The following VCPIP1 variants were observed in gnomAD, a reference collection of about 807,000 sequenced individuals.
VCPIP1 encodes valosin containing protein interacting protein 1.
A neutral mutation model predicts 85.0 loss-of-function variants in VCPIP1; 8 were observed. The ratio of observed to expected loss-of-function variants is 0.09; its 90% CI spans 0.06 to 0.17. The LOEUF (loss-of-function observed/expected upper bound fraction) is 0.17. VCPIP1 is among the 10% of genes least tolerant of loss of function. The pLI, the probability that VCPIP1 is intolerant of heterozygous loss-of-function variation, is 1.00. For missense variants in VCPIP1, 1,070 were observed against 1,486.3 expected, an observed-to-expected ratio of 0.72 and a Z score of 4.61; for synonymous variants, 543 against 544.5, an observed-to-expected ratio of 1.00 and a Z score of 0.04.
chr8:66,655,605 T>C (rs1223273093), intron 1 of VCPIP1, among the ~76,000 whole-genome samples: 2 of 152,228 alleles, frequency 1.3e-5, no homozygotes, highest in Non-Finnish European at 2.9e-5. Flanking sequence ...CAATGTTACA[T>C]ATATAAAATA....
intron 1 of VCPIP1, among the ~76,000 whole-genome samples, chr8:66,658,389 C>A: frequency 6.7e-6 from 1 of 148,432 alleles, no homozygotes; most frequent in Non-Finnish European, 1.5e-5. Flanking sequence ...AGATTTGAAA[C>A]TGCCCTTTAC....
At chr8:66,637,193 A>T (rs1458813671) in intron 2 of VCPIP1, among the ~76,000 whole-genome samples, 1 of 151,942 alleles carries the variant, frequency 6.6e-6, no homozygotes, top group Non-Finnish European at 1.5e-5. Context: ...CTACAAAAAA[A>T]ACAAAAGGTT....
intron 1 of VCPIP1, among the ~76,000 whole-genome samples, chr8:66,654,966 T>G (rs1414806903): frequency 6.6e-6 from 1 of 152,238 alleles, no homozygotes; most frequent in African/African-American, 2.4e-5. Flanking sequence ...TTTTACAATG[T>G]TATACCACCA....
Position 66,630,001 on chromosome 8 carries a change from C to T in VCPIP1, c.*4500G>A, listed in dbSNP as rs1810818710. Reference sequence around the variant, plus strand: ...TTAAGAATTTCTTTATAAAACTGAACTATATGTTCATGCATTATAATTCCA... The same window carrying T: ...TTAAGAATTTCTTTATAAAACTGAATTATATGTTCATGCATTATAATTCCA... On this transcript the variant is annotated 3_prime_UTR_variant, in exon 3 of 3. Coordinates refer to ENST00000310421, the MANE Select transcript of VCPIP1 (RefSeq NM_025054.5). 1 of 152,086 alleles carries T rather than the reference C, an allele frequency of 6.6e-6. No homozygotes were observed. Among genetic ancestry groups the T allele is most frequent in the Admixed American group, 6.5e-5 (1 of 15,268 alleles). 9.4% of individuals were successfully genotyped at this position (152,086 alleles called of 1,614,324 possible).
rs182091150 is a variant in VCPIP1, at chr8:66,661,640, G to T, written c.2710+2609C>A. Reference sequence around the variant, plus strand: ...AATCCCAGCTACTCAGGAGGCTGAGGCAGGAGAATCATTTGAACCCAGGTA... The same window carrying T: ...AATCCCAGCTACTCAGGAGGCTGAGTCAGGAGAATCATTTGAACCCAGGTA... On this transcript the variant is annotated intron_variant, in intron 1 of 2. Transcript: ENST00000310421. 1.8e-4 allele frequency among the ~76,000 whole-genome samples: 28 copies of T among 151,870 alleles called. No individual in the cohort carries two copies. In the East Asian group the frequency reaches 5.5e-3, roughly 30 times the overall value.
intron 2 of VCPIP1, among the ~76,000 whole-genome samples, chr8:66,635,913 CAA>C (rs1187108604): frequency 0.012 from 910 of 75,690 alleles, 9 homozygotes; most frequent in African/African-American, 0.041. Context: ...AACTCTATCT[CAA>C]AAAAAAAAAA....
In VCPIP1 at chr8:66,628,612, G is replaced by T. The variant is rs530758063; in HGVS notation, c.*5889C>A. 2.6e-5 allele frequency: 4 copies of T among 152,324 alleles called. No individual in the cohort carries two copies. In the South Asian group the frequency reaches 8.3e-4, roughly 32 times the overall value. 9.4% of individuals were successfully genotyped at this position (152,324 alleles called of 1,614,324 possible). ...ATCCATAATGAGCTGTTATAAGTAG[G>T]ATGTTTATCTTATTTACTAAAGAGT... On this transcript the variant is annotated 3_prime_UTR_variant, in exon 3 of 3. Coordinates refer to ENST00000310421, the MANE Select transcript of VCPIP1 (RefSeq NM_025054.5).
At chr8:66,659,803 G>A (rs1264170067) in intron 1 of VCPIP1, among the ~76,000 whole-genome samples, 9 of 151,974 alleles carry the variant, frequency 5.9e-5, no homozygotes, top group African/African-American at 1.2e-4. Context: ...GTGGTGGTGC[G>A]CACCTGTAGT....
chr8:66,644,991 TG>T (rs1193345230), intron 2 of VCPIP1, among the ~76,000 whole-genome samples: 1 of 149,034 alleles, frequency 6.7e-6, no homozygotes, highest in Non-Finnish European at 1.5e-5. Flanking sequence ...CCCAGCTACT[TG>T]GGAGGCTGAG....
At chr8:66,651,947 T>C (rs1299775977) in intron 1 of VCPIP1, among the ~76,000 whole-genome samples, 1 of 148,444 alleles carries the variant, frequency 6.7e-6, no homozygotes, top group Non-Finnish European at 1.5e-5. Flanking sequence ...TGGGGGTCTG[T>C]GGATAGCCTG....
Position 66,628,804 on chromosome 8 carries a change from G to T in VCPIP1, c.*5697C>A, listed in dbSNP as rs1431755670. The T allele has an allele frequency of 6.6e-6, 1 of 152,194 alleles. No individual in the cohort carries two copies. The highest frequency in any genetic ancestry group is 2.4e-5 in the African/African-American group (1 of 41,438). 9.4% of individuals were successfully genotyped at this position (152,194 alleles called of 1,614,324 possible). On this transcript the variant is annotated 3_prime_UTR_variant, in exon 3 of 3. Transcript: ENST00000310421. ...TTGTCCCATCAGCACTATGCCCTCT[G>T]CAAGTAAGACTATGACGACAATGGT...
chr8:66,635,453 TAATG>T, intron 2 of VCPIP1, 81 bp from the exon 3 acceptor site: 1 of 1,302,910 alleles, frequency 7.7e-7, no homozygotes, highest in Non-Finnish European at 1.0e-6. Context: ...ATAGTTAAAA[TAATG>T]AATTTTAAAT....
At position 66,664,151 on chromosome 8, in the gene VCPIP1, A is replaced by T; in HGVS notation, c.2710+98T>A. On this transcript the variant is annotated intron_variant, in intron 1 of 2. Coordinates refer to ENST00000310421, the MANE Select transcript of VCPIP1 (RefSeq NM_025054.5). ...TCCTGAAATATATAATTAAAAACTT[A>T]CAATGGCTACAGATTTCTTTTCCCC... is the stretch of plus-strand genomic sequence containing the variant. 5 of 1,362,244 alleles carry T rather than the reference A, an allele frequency of 3.7e-6. No individual in the cohort carries two copies. In the South Asian group the frequency reaches 7.6e-5, roughly 21 times the overall value. 84.4% of individuals were successfully genotyped at this position (1,362,244 alleles called of 1,614,324 possible).
chr8:66,653,895 C>T (rs951678906), intron 1 of VCPIP1, among the ~76,000 whole-genome samples: 2 of 152,064 alleles, frequency 1.3e-5, no homozygotes, highest in African/African-American at 4.8e-5. Flanking sequence ...GATTTTTTCA[C>T]CCTTCCTCCT....
At chr8:66,636,558 C>A (rs1226099223) in intron 2 of VCPIP1, among the ~76,000 whole-genome samples, 2 of 151,876 alleles carry the variant, frequency 1.3e-5, no homozygotes, top group African/African-American at 2.4e-5. Context: ...GCCTGGCCAA[C>A]AGAGTGAAAC....
At position 66,667,216 on chromosome 8, in the gene VCPIP1, T is replaced by G. The variant is rs1586632509; in HGVS notation, c.-258A>C. ...CACTCACACTCACTCACTCTCGCTC[T>G]CTCTCCCTCAGACACAGACATACAC... On this transcript the variant is annotated 5_prime_UTR_variant, in exon 1 of 3. Transcript: ENST00000310421. 4 of 643,032 alleles carry G rather than the reference T, an allele frequency of 6.2e-6. No homozygotes were observed. In the East Asian group the frequency reaches 1.2e-4, roughly 19 times the overall value. The allele number at this position is 643,032 out of a possible 1,614,324, so 39.8% of individuals were successfully genotyped here. A position where few individuals can be genotyped will look rare whatever the true frequency, so the allele number is the denominator to read the frequency against.
At position 66,666,292 on chromosome 8, in the gene VCPIP1, C is replaced by A; in HGVS notation, c.667G>T (p.Ala223Ser). Residue 223 changes from alanine (A) to serine (S), a missense_variant, in exon 1 of 3, where the codon GCT becomes TCT. Ala to Ser is a moderately conservative substitution (Grantham distance 99). This residue lies in a region of VCPIP1 where 118 missense variants were observed against 337.1 expected (regional missense o/e 0.35). Transcript: ENST00000310421. The surrounding 1 kb of genome is among the most constrained non-coding windows in gnomAD (Gnocchi z 6.3). Reference protein sequence around the residue: ...VDGDGHCLVHAVSRALVGREL... With the variant: ...VDGDGHCLVHSVSRALVGREL... ...CGGCCTACTAGAGCCCGAGACACAG[C>A]ATGCACCAAGCAGTGTCCATCCCCG... is the stretch of plus-strand genomic sequence containing the variant. The A allele has an allele frequency of 6.2e-7, 1 of 1,614,118 alleles. No homozygotes were observed. Among genetic ancestry groups the A allele is most frequent in the South Asian group, 1.1e-5 (1 of 91,082 alleles).
At chr8:66,636,854 C>CAA (rs569934579) in intron 2 of VCPIP1, among the ~76,000 whole-genome samples, 3 of 141,084 alleles carry the variant, frequency 2.1e-5, no homozygotes, top group Admixed American at 1.4e-4. Flanking sequence ...GACTCCGTCT[C>CAA]AAAAAAAAAA....
rs745363727 is a variant in VCPIP1 at position 66,666,248 on chromosome 8, G to A, written c.711C>T (p.Ala237=). ...ALVGRELFWH[A]LRENLKQHFQ... is the part of the protein sequence containing the mutation. ...AGTGCTGTTTAAGATTCTCTCTTAA[G>A]GCATGCCAGAAGAGCTCTCGGCCTA... Residue 237 remains alanine (A), a synonymous_variant, in exon 1 of 3, where the codon GCC becomes GCT. Coordinates refer to ENST00000310421, the MANE Select transcript of VCPIP1 (RefSeq NM_025054.5). This position sits in a 1 kb window ranked among gnomAD's most constrained non-coding sequence, Gnocchi z 6.3. 6 of 1,614,010 alleles carry A rather than the reference G, an allele frequency of 3.7e-6. No individual in the cohort carries two copies. Among genetic ancestry groups the A allele is most frequent in the Non-Finnish European group, 4.2e-6 (5 of 1,180,002 alleles).
Sources: gnomAD v4.1 joint callset for allele counts (sites outside exome capture counted in the v4.1 genomes callset) on GRCh38, gnomAD v4.1.1 for gene constraint, gnomAD v4.1.1 regional missense constraint, Gnocchi (gnomAD v3.1) non-coding constraint, MANE v1.5 for transcripts, NCBI Gene and HGNC (gene_info 2026-07-23, HGNC 2026-07-21) for gene names.